TRAPPC6B: variants seen among roughly 807,000 people sequenced by gnomAD.
The protein encoded by TRAPPC6B is TRAPP complex subunit 6B.
TRAPPC6B carries 27 observed loss-of-function variants against 24.7 expected under a neutral mutation model. The ratio of observed to expected loss-of-function variants is 1.09; its 90% CI spans 0.81 to 1.51. The LOEUF (loss-of-function observed/expected upper bound fraction) is 1.51, where lower values mean the gene tolerates loss of function less well. Among genes scored for constraint, TRAPPC6B ranks in the 40% most tolerant of loss-of-function variants. The pLI is 0.00. For missense variants in TRAPPC6B, 212 were observed against 190.8 expected (o/e 1.11, Z -0.66); for synonymous variants, 80 against 66.6 (o/e 1.20, Z -0.98).
chr14:39,169,921 C>A (rs2053149508), intron 1 of TRAPPC6B, 94 bp downstream of exon 1: 12 of 1,266,878 alleles, frequency 9.5e-6, no homozygotes, highest in Non-Finnish European at 1.4e-5. Flanking sequence ...CGGGAGGCGT[C>A]GGGTGGCGAT....
chr14:39,154,293 C>T lies in TRAPPC6B; in HGVS notation c.269G>A (p.Gly90Asp). The stretch of plus-strand genomic sequence containing the variant: ...TTTGTTGTCCTGAAGTACATAGATG[C>T]CCTGTTCCAAAAATAGAAAAAAAAT... The part of the protein sequence containing the change: ...QIDNLRTNHQ[G>D]IYVLQDNKFR... Residue 90 changes from glycine (G) to aspartate (D), a missense_variant and splice_region_variant, in exon 4 of 6, where the codon GGC (glycine) becomes GAC (aspartate). Physicochemically the swap from Gly to Asp is moderately conservative, Grantham distance 94 (BLOSUM62 -1). Transcript: ENST00000330149. The T allele has an allele frequency of 6.2e-7, 1 of 1,605,800 alleles. No homozygotes were observed. The highest frequency in any genetic ancestry group is 8.5e-7 in the Non-Finnish European group (1 of 1,174,434).
intron 4 of TRAPPC6B, 132 bp downstream of exon 4, chr14:39,154,079 T>C (rs989353086): frequency 7.5e-5 from 44 of 588,600 alleles, no homozygotes; most frequent in African/African-American, 3.7e-4. Context: ...TCTCATTTCA[T>C]AGAAAACTCT....
chr14:39,155,956 AT>A (rs61344249), intron 3 of TRAPPC6B, among the ~76,000 whole-genome samples: 4 of 151,486 alleles, frequency 2.6e-5, no homozygotes, highest in Non-Finnish European at 5.9e-5. Flanking sequence ...GCCTGGTGAA[AT>A]TTTTTTCAAG....
At chr14:39,161,713 ACCAGGTACACTTCACTAGCCT>A (rs755470706) in intron 1 of TRAPPC6B, among the ~76,000 whole-genome samples, 11 of 152,054 alleles carry the variant, frequency 7.2e-5, no homozygotes, top group African/African-American at 1.7e-4. Flanking sequence ...AAACCAACCC[ACCAGGTACACTTCACTAGCCT>A]CCAGGTACAC....
chr14:39,159,370 A>T, intron 2 of TRAPPC6B, 113 bp downstream of exon 2: 1 of 642,980 alleles, frequency 1.6e-6, no homozygotes, highest in East Asian at 3.2e-5. Flanking sequence ...AGTAAAGAGA[A>T]TAACATTCAG....
At chr14:39,159,381 G>T in intron 2 of TRAPPC6B, 102 bp downstream of exon 2, 1 of 724,850 alleles carries the variant, frequency 1.4e-6, no homozygotes, top group South Asian at 3.2e-5. Context: ...TAACATTCAG[G>T]AATTAAAATT....
chr14:39,169,212 TCA>T (rs1183897211), intron 1 of TRAPPC6B, among the ~76,000 whole-genome samples: 2 of 152,366 alleles, frequency 1.3e-5, no homozygotes, highest in African/African-American at 4.8e-5. Context: ...CAGCCAATAC[TCA>T]GTGTTAACTA....
chr14:39,152,677 G>T (rs1025742625), intron 4 of TRAPPC6B, among the ~76,000 whole-genome samples: 1 of 152,086 alleles, frequency 6.6e-6, no homozygotes, highest in Admixed American at 6.6e-5. Flanking sequence ...GTTCTTAATC[G>T]GGGAATTTGT....
intron 3 of TRAPPC6B, chr14:39,157,716 G>A (rs546321290): frequency 3.9e-5 from 9 of 231,722 alleles, no homozygotes; most frequent in Admixed American, 1.5e-4. Flanking sequence ...TTCAGCTGGT[G>A]GAAGCTATCA....
At chr14:39,164,254 G>A (rs1212814897) in intron 1 of TRAPPC6B, among the ~76,000 whole-genome samples, 1 of 152,148 alleles carries the variant, frequency 6.6e-6, no homozygotes, top group Non-Finnish European at 1.5e-5. Flanking sequence ...ATTTTGGGAG[G>A]CCGAGGCAGG....
chr14:39,167,008 T>C lies in TRAPPC6B; in HGVS notation c.81+3007A>G, dbSNP rs182576733. Among the ~76,000 whole-genome samples, 10 of 152,336 alleles carry C rather than the reference T, an allele frequency of 6.6e-5. No individual in the cohort carries two copies. In the East Asian group the frequency reaches 1.9e-3, roughly 29 times the overall value. Reference sequence around the variant, plus strand: ...TTCTCCTGTCTTGATAGATCAGCTCTACCTGGGCAGTGGGGAAGAAGAACC... The same window carrying C: ...TTCTCCTGTCTTGATAGATCAGCTCCACCTGGGCAGTGGGGAAGAAGAACC... On this transcript the variant is annotated intron_variant, in intron 1 of 5. Transcript: ENST00000330149.
chr14:39,153,416 C>A (rs544644670), intron 4 of TRAPPC6B, among the ~76,000 whole-genome samples: 5 of 150,922 alleles, frequency 3.3e-5, no homozygotes, highest in Non-Finnish European at 7.4e-5. Flanking sequence ...TCACTTGAGC[C>A]CAGGAGTTCA....
At chr14:39,152,030 A>G (rs1245906724) in intron 4 of TRAPPC6B, among the ~76,000 whole-genome samples, 191 bp from the exon 5 acceptor site, 2 of 152,218 alleles carry the variant, frequency 1.3e-5, no homozygotes, top group African/African-American at 4.8e-5. Flanking sequence ...GCATGGACGT[A>G]GGACTTAAGA....
At chr14:39,159,404 G>A in intron 2 of TRAPPC6B, 79 bp downstream of exon 2, 1 of 993,110 alleles carries the variant, frequency 1.0e-6, no homozygotes, top group Non-Finnish European at 1.4e-6. Flanking sequence ...AATATCCCAA[G>A]TTTTATGCAA....
rs1292565160 is a variant in TRAPPC6B, at chr14:39,170,046, C to A, written c.50G>T (p.Gly17Val). 6.2e-7 allele frequency: 1 copy of A among 1,614,218 alleles called. No individual in the cohort carries two copies. The highest frequency in any genetic ancestry group is 1.1e-5 in the South Asian group (1 of 91,086). Residue 17 changes from glycine (G) to valine (V), a missense_variant, in exon 1 of 6, where the codon GGA (glycine) becomes GTA (valine). Coordinates refer to ENST00000330149, the MANE Select transcript of TRAPPC6B (RefSeq NM_001079537.2). ...FLLLHNEMVS[G>V]VYKSAEQGEV... Reference sequence around the variant, plus strand: ...CCCCTGCTCCGCGGACTTGTACACTCCAGACACCATCTCGTTATGGAGAAG... The same window carrying A: ...CCCCTGCTCCGCGGACTTGTACACTACAGACACCATCTCGTTATGGAGAAG...
Position 39,158,577 on chromosome 14 carries a change from G to A in TRAPPC6B, c.150-175C>T, listed in dbSNP as rs1022122035. 2.1e-5 allele frequency: 11 copies of A among 518,280 alleles called. No individual in the cohort carries two copies. The African/African-American group carries it at 2.2e-4, about 10-fold the overall frequency. 32.1% of individuals were successfully genotyped at this position (518,280 alleles called of 1,614,324 possible). On this transcript the variant is annotated intron_variant, in intron 2 of 5. Transcript: ENST00000330149. Reference sequence around the variant, plus strand: ...CTGTCGCCCAGGTTAGAGTGCAATAGCATAATCTCGGCTCATTGCAACGTC... The same window carrying A: ...CTGTCGCCCAGGTTAGAGTGCAATAACATAATCTCGGCTCATTGCAACGTC...
chr14:39,155,265 G>A (rs558036173), intron 3 of TRAPPC6B, among the ~76,000 whole-genome samples: 100 of 152,098 alleles, frequency 6.6e-4, no homozygotes, highest in Admixed American at 1.7e-3. Flanking sequence ...TTTTGAGACA[G>A]AGTTTCACTC....
chr14:39,162,058 A>G (rs2053065543), intron 1 of TRAPPC6B, among the ~76,000 whole-genome samples: 1 of 152,188 alleles, frequency 6.6e-6, no homozygotes. Context: ...ACCTAACATC[A>G]AAGTTTTAGG....
chr14:39,158,267 C>A lies in TRAPPC6B; in HGVS notation c.267+18G>T. The A allele has an allele frequency of 7.4e-7, 1 of 1,357,518 alleles. No homozygotes were observed. Among genetic ancestry groups the A allele is most frequent in the Non-Finnish European group, 1.0e-6 (1 of 974,188 alleles). 84.1% of individuals were successfully genotyped at this position (1,357,518 alleles called of 1,614,324 possible). On this transcript the variant is annotated intron_variant, in intron 3 of 5. Transcript: ENST00000330149. Reference sequence around the variant, plus strand: ...AGTTAAAGGACTTTAAAATATAGGCCTTAATTAATTTAATTACCTGATGAT... The same window carrying A: ...AGTTAAAGGACTTTAAAATATAGGCATTAATTAATTTAATTACCTGATGAT...
Sources: gnomAD v4.1 joint callset for allele counts (sites outside exome capture counted in the v4.1 genomes callset) on GRCh38, gnomAD v4.1.1 for gene constraint, MANE v1.5 for transcripts, NCBI Gene and HGNC (gene_info 2026-07-23, HGNC 2026-07-21) for gene names.